Variants in PDE3A observed in about 807,000 individuals in gnomAD.
PDE3A encodes the protein phosphodiesterase 3A.
PDE3A carries 43 observed loss-of-function variants against 98.3 expected under a neutral mutation model. The observed-to-expected ratio is 0.44, with a 90% CI of 0.34 to 0.56. The LOEUF (loss-of-function observed/expected upper bound fraction) is 0.56. Among genes scored for constraint, PDE3A ranks in the 20% least tolerant of loss-of-function variants. The probability of loss-of-function intolerance (pLI) is 0.01; values close to 1 mark genes in which losing one functional copy is unlikely to be tolerated. For synonymous variants in PDE3A, 663 were observed against 567.9 expected, an observed-to-expected ratio of 1.17 and a Z score of -2.38; for missense variants, 1,427 against 1,440.7, an observed-to-expected ratio of 0.99 and a Z score of 0.15.
At position 20,616,737 on chromosome 12, in the gene PDE3A, C is replaced by T. The variant is rs1028545777; in HGVS notation, c.1424+353C>T. Among the ~76,000 whole-genome samples, 14 of 152,002 alleles carry T rather than the reference C, an allele frequency of 9.2e-5. 1 individual carries two copies. The highest frequency in any genetic ancestry group is 6.6e-4 in the Admixed American group (10 of 15,264). ...TCAAAAGCATACAACTTGACATTTG[C>T]ATTTGATATGAGATCCCCCAGCCCA... On this transcript the variant is annotated intron_variant, in intron 4 of 15. Coordinates refer to ENST00000359062, the MANE Select transcript of PDE3A (RefSeq NM_000921.5).
intron 1 of PDE3A, among the ~76,000 whole-genome samples, chr12:20,379,027 G>A (rs1445551057): frequency 6.6e-6 from 1 of 151,676 alleles, no homozygotes; most frequent in Non-Finnish European, 1.5e-5. Context: ...TAGGATTTTA[G>A]TAAAAATTTT....
At chr12:20,574,329 A>G (rs1005889996) in intron 2 of PDE3A, among the ~76,000 whole-genome samples, 1 of 152,124 alleles carries the variant, frequency 6.6e-6, no homozygotes, top group Non-Finnish European at 1.5e-5. Context: ...AGGACTTCAC[A>G]TTAACTGAAA....
rs954997589 is a variant in PDE3A, at chr12:20,571,426, C to T, written c.1011+14716C>T. ...TATAGTGTACATGAATGCTGACCCC[C>T]CTGGAGTTGTGCAGCGCACAACACT... is the stretch of plus-strand genomic sequence containing the variant. On this transcript the variant is annotated intron_variant, in intron 2 of 15. Transcript: ENST00000359062. Among the ~76,000 whole-genome samples the T allele has an allele frequency of 8.3e-4, 127 of 152,210 alleles. 1 individual carries two copies. Among genetic ancestry groups the T allele is most frequent in the African/African-American group, 3.0e-3 (123 of 41,540 alleles).
At chr12:20,655,161 G>C (rs1205284472) in intron 15 of PDE3A, among the ~76,000 whole-genome samples, 1 of 152,050 alleles carries the variant, frequency 6.6e-6, no homozygotes, top group Non-Finnish European at 1.5e-5. Flanking sequence ...AGAAATATGA[G>C]AGTAAAAATA....
chr12:20,672,942 CCTACTCAT>C lies in PDE3A; in HGVS notation c.3185-7085_3185-7078del, dbSNP rs1399487144. Among the ~76,000 whole-genome samples the C allele has an allele frequency of 1.2e-3, 182 of 149,040 alleles. 1 individual carries two copies. The highest frequency in any genetic ancestry group is 4.4e-3 in the African/African-American group (176 of 40,394). On this transcript the variant is annotated intron_variant, in intron 15 of 15. Coordinates refer to ENST00000359062, the MANE Select transcript of PDE3A (RefSeq NM_000921.5). Reference sequence around the variant, plus strand: ...ACAAAATGGGAGAAAATTTTCACAACCTACTCATCTGACAAAGGGCTAATATCCAGAAT... The same window carrying C: ...ACAAAATGGGAGAAAATTTTCACAACCTGACAAAGGGCTAATATCCAGAAT...
intron 2 of PDE3A, among the ~76,000 whole-genome samples, chr12:20,567,141 T>C (rs1942681480): frequency 6.6e-6 from 1 of 151,966 alleles, no homozygotes; most frequent in South Asian, 2.1e-4. Flanking sequence ...TTTATAGTGA[T>C]TATGGCAACC....
At chr12:20,386,059 TAAATATATA>T (rs1565532423) in intron 1 of PDE3A, among the ~76,000 whole-genome samples, 2 of 87,556 alleles carry the variant, frequency 2.3e-5, no homozygotes, top group African/African-American at 1.0e-4. Flanking sequence ...TAAATATATA[TAAATATATA>T]TAAAATATAT....
intron 1 of PDE3A, among the ~76,000 whole-genome samples, chr12:20,385,338 G>A (rs1439111988): frequency 2.6e-5 from 4 of 152,038 alleles, no homozygotes; most frequent in African/African-American, 7.2e-5. Context: ...TACACTGTTG[G>A]TGGGACTGTA....
At position 20,646,572 on chromosome 12, in the gene PDE3A, G is replaced by C. The variant is rs747409615; in HGVS notation, c.2334G>C (p.Val778=). 1.2e-6 allele frequency: 2 copies of C among 1,605,194 alleles called. No individual in the cohort carries two copies. Among genetic ancestry groups the C allele is most frequent in the Admixed American group, 1.7e-5 (1 of 59,998 alleles). The part of the protein sequence containing the change: ...TTQPIPGLST[V]INDHGSTSDS... Reference sequence around the variant, plus strand: ...AGCCTATTCCAGGCCTCTCAACTGTGATTAATGATCATGGTTCAACCAGTG... The same window carrying C: ...AGCCTATTCCAGGCCTCTCAACTGTCATTAATGATCATGGTTCAACCAGTG... The change falls in exon 11 of 16, where the codon GTG becomes GTC. Residue 778 remains valine, a synonymous_variant. Coordinates refer to ENST00000359062, the MANE Select transcript of PDE3A (RefSeq NM_000921.5).
intron 1 of PDE3A, among the ~76,000 whole-genome samples, chr12:20,400,281 C>A (rs1193349179): frequency 2.0e-5 from 3 of 151,178 alleles, no homozygotes; most frequent in Non-Finnish European, 2.9e-5. Context: ...CCTCGAGAGT[C>A]CTGCTGTCTA....
chr12:20,585,061 T>A (rs1211908157), intron 2 of PDE3A, among the ~76,000 whole-genome samples: 1 of 152,208 alleles, frequency 6.6e-6, no homozygotes, highest in Non-Finnish European at 1.5e-5. Flanking sequence ...ATCTTGTTCT[T>A]TCTCTAGTTG....
In PDE3A at chr12:20,650,455, A is replaced by G; in HGVS notation, c.2780A>G (p.Asp927Gly). 6.3e-7 allele frequency: 1 copy of G among 1,599,896 alleles called. No homozygotes were observed. The highest frequency in any genetic ancestry group is 8.5e-7 in the Non-Finnish European group (1 of 1,171,322). Reference sequence around the variant, plus strand: ...TTATCTCTCAAATAGGTAAATGATGATGTTGGAATAGATTGGACCAATGAA... The same window carrying G: ...TTATCTCTCAAATAGGTAAATGATGGTGTTGGAATAGATTGGACCAATGAA... ...VAKFNGKVND[D>G]VGIDWTNEND... The change falls in exon 14 of 16, where the codon GAT becomes GGT. Residue 927 changes from aspartate to glycine, a missense_variant. Transcript: ENST00000359062.
chr12:20,546,114 C>A (rs12317061), intron 1 of PDE3A, among the ~76,000 whole-genome samples: 4,723 of 151,884 alleles, frequency 0.031, 238 homozygotes, highest in African/African-American at 0.11. Context: ...GCGGTTCCTG[C>A]CAGCAGAGAT....
intron 1 of PDE3A, among the ~76,000 whole-genome samples, chr12:20,388,921 A>T (rs1194733861): frequency 6.6e-6 from 1 of 152,060 alleles, no homozygotes; most frequent in Non-Finnish European, 1.5e-5. Context: ...TAGGATTATT[A>T]AAATGCTTTT....
At chr12:20,675,923 A>T (rs2120463311) in intron 15 of PDE3A, among the ~76,000 whole-genome samples, 1 of 152,274 alleles carries the variant, frequency 6.6e-6, no homozygotes, top group South Asian at 2.1e-4. Flanking sequence ...ATGTTCTTTA[A>T]TCAATTCACC....
At chr12:20,434,666 G>T (rs943150811) in intron 1 of PDE3A, among the ~76,000 whole-genome samples, 2 of 152,182 alleles carry the variant, frequency 1.3e-5, no homozygotes, top group South Asian at 2.1e-4. Context: ...AAGAAACTAT[G>T]TTTATTTCAT....
chr12:20,394,657 A>T (rs1371704458), intron 1 of PDE3A, among the ~76,000 whole-genome samples: 1 of 152,138 alleles, frequency 6.6e-6, no homozygotes, highest in Non-Finnish European at 1.5e-5. Context: ...ATCTCCACAG[A>T]AGAAAATACG....
At chr12:20,612,606 A>G (rs1343591472) in intron 2 of PDE3A, among the ~76,000 whole-genome samples, 1 of 148,670 alleles carries the variant, frequency 6.7e-6, no homozygotes, top group African/African-American at 2.4e-5. Context: ...ACTTACTTAT[A>G]TAAGTAACTA....
intron 1 of PDE3A, among the ~76,000 whole-genome samples, chr12:20,407,589 T>C (rs2120691949): frequency 6.6e-6 from 1 of 152,246 alleles, no homozygotes; most frequent in East Asian, 1.9e-4. Context: ...TGGGGTCCAG[T>C]TTATTAGATT....
Sources: allele counts gnomAD v4.1 joint callset (sites outside exome capture counted in the v4.1 genomes callset), GRCh38; gene constraint gnomAD v4.1.1; transcripts MANE v1.5; gene names NCBI Gene and HGNC (gene_info 2026-07-23, HGNC 2026-07-21).